HLTF: variants seen among roughly 807,000 people sequenced by gnomAD.
HLTF encodes the protein helicase like transcription factor, also known as DNA-dependent ATPase/E3 ubiquitin-protein ligase HLTF.
In HLTF, 127 loss-of-function variants were observed where a neutral mutation model predicts 129.4. The ratio of observed to expected loss-of-function variants is 0.98; its 90% CI spans 0.85 to 1.14. The LOEUF is 1.14. Among genes scored for constraint, HLTF ranks in the 50% most tolerant of loss-of-function variants. The pLI, the probability that HLTF is intolerant of heterozygous loss-of-function variation, is 0.00. For missense variants in HLTF, 1,139 were observed against 1,187.1 expected, an observed-to-expected ratio of 0.96 and a Z score of 0.60; for synonymous variants, 332 against 388.8, an observed-to-expected ratio of 0.85 and a Z score of 1.72.
chr3:149,085,308 T>C (rs995773062), intron 1 of HLTF, among the ~76,000 whole-genome samples: 10 of 152,090 alleles, frequency 6.6e-5, no homozygotes, highest in South Asian at 2.1e-4. Context: ...CTGGCCAACA[T>C]TGTGAAACCC....
At chr3:149,078,001 CA>C (rs1476005699) in intron 2 of HLTF, among the ~76,000 whole-genome samples, 1 of 152,044 alleles carries the variant, frequency 6.6e-6, no homozygotes, top group African/African-American at 2.4e-5. Context: ...CAAAACTCAG[CA>C]ACAAACCACC....
At chr3:149,039,273 A>G in intron 22 of HLTF, 44 bp from the exon 23 acceptor site, 7 of 1,308,800 alleles carry the variant, frequency 5.3e-6, no homozygotes, top group Non-Finnish European at 7.1e-6. Flanking sequence ...CACTATTATT[A>G]TAAAAATAAA....
In HLTF at chr3:149,033,668, GA is replaced by G. The variant is rs201714042; in HGVS notation, c.2877+1249del. On this transcript the variant is annotated intron_variant, in intron 24 of 24. Transcript: ENST00000310053. ...TAGGGAAAAAGTTGGAATTTTCAAA[GA>G]AAAAAAATGATGTGACAGAACAAAT... 3.8e-3 allele frequency among the ~76,000 whole-genome samples: 571 copies of G among 151,320 alleles called. 16 individuals carry two copies. The highest frequency in any genetic ancestry group is 0.032 in the Admixed American group (494 of 15,240).
At chr3:149,056,885 G>A (rs1394735955) in intron 13 of HLTF, among the ~76,000 whole-genome samples, 2 of 151,842 alleles carry the variant, frequency 1.3e-5, no homozygotes, top group African/African-American at 4.8e-5. Context: ...CGAGGCGGGC[G>A]GATCACGAGG....
At position 149,031,171 on chromosome 3, in the gene HLTF, AAAG is replaced by A. The variant is rs1715002960; in HGVS notation, c.*1046_*1048del. On this transcript the variant is annotated 3_prime_UTR_variant, in exon 25 of 25. Coordinates refer to ENST00000310053, the MANE Select transcript of HLTF (RefSeq NM_003071.4). The stretch of plus-strand genomic sequence containing the variant: ...TTAACAAAAAAGTAAAAAAAAAAGA[AAAG>A]AAAAAAGATGACTAATTCTACAGAT... 1 of 152,558 alleles carries A rather than the reference AAAG, an allele frequency of 6.6e-6. No individual in the cohort carries two copies. 9.5% of individuals were successfully genotyped at this position (152,558 alleles called of 1,614,324 possible). A position where few individuals can be genotyped will look rare whatever the true frequency, so the allele number is the denominator to read the frequency against.
intron 19 of HLTF, 116 bp from the exon 20 acceptor site, chr3:149,041,784 C>A: frequency 1.4e-6 from 1 of 712,352 alleles, no homozygotes; most frequent in African/African-American, 1.8e-5. Context: ...TCATTTTCTG[C>A]CATAGGCAAA....
intron 14 of HLTF, among the ~76,000 whole-genome samples, chr3:149,055,032 G>A (rs546701574): frequency 1.3e-5 from 2 of 152,250 alleles, no homozygotes; most frequent in Non-Finnish European, 2.9e-5. Flanking sequence ...TCCCACTTTG[G>A]GGGACAAAAA....
chr3:149,036,001 G>C (rs868119364), intron 23 of HLTF, among the ~76,000 whole-genome samples: 1 of 151,628 alleles, frequency 6.6e-6, no homozygotes, highest in South Asian at 2.1e-4. Context: ...CGGGCGTGGT[G>C]GCAGGCGCCT....
At position 149,086,363 on chromosome 3, in the gene HLTF, C is replaced by T. The variant is rs775539806; in HGVS notation, c.-27G>A. The T allele has an allele frequency of 1.3e-6, 2 of 1,576,878 alleles. No individual in the cohort carries two copies. Among genetic ancestry groups the T allele is most frequent in the Non-Finnish European group, 1.7e-6 (2 of 1,160,942 alleles). On this transcript the variant is annotated 5_prime_UTR_variant, in exon 1 of 25. Coordinates refer to ENST00000310053, the MANE Select transcript of HLTF (RefSeq NM_003071.4). ...GCGCTGAGTGGGATGACAAGAGGAGCGCCTCGGCTCCCCTGGATCGTTTTC... is the reference window on the plus strand; with the variant it reads ...GCGCTGAGTGGGATGACAAGAGGAGTGCCTCGGCTCCCCTGGATCGTTTTC...
In HLTF at chr3:149,086,399, G is replaced by C; in HGVS notation, c.-63C>G. 2 of 1,537,676 alleles carry C rather than the reference G, an allele frequency of 1.3e-6. No homozygotes were observed. The highest frequency in any genetic ancestry group is 1.8e-6 in the Non-Finnish European group (2 of 1,133,392). ...CCCTGGATCGTTTTCGAGCCGCCTCGATACGCCTCCTTCCAGGCCCCGCAG... is the reference window on the plus strand; with the variant it reads ...CCCTGGATCGTTTTCGAGCCGCCTCCATACGCCTCCTTCCAGGCCCCGCAG... On this transcript the variant is annotated 5_prime_UTR_variant, in exon 1 of 25. In the 5' UTR this introduces an upstream ATG that the reference lacks. Transcript: ENST00000310053.
intron 23 of HLTF, 23 bp from the exon 24 acceptor site, chr3:149,035,021 A>T (rs1392196952): frequency 3.3e-6 from 5 of 1,504,200 alleles, no homozygotes; most frequent in Non-Finnish European, 1.9e-6. Context: ...TGGATGAGTT[A>T]CTTTACTACT....
chr3:149,042,429 C>G, intron 18 of HLTF, 139 bp from the exon 19 acceptor site: 1 of 719,120 alleles, frequency 1.4e-6, no homozygotes, highest in Non-Finnish European at 2.3e-6. Context: ...AGAAAAGCAA[C>G]TCTAATAAAA....
chr3:149,048,793 T>C (rs544091294), intron 16 of HLTF, 70 bp downstream of exon 16: 2 of 1,207,150 alleles, frequency 1.7e-6, no homozygotes, highest in Non-Finnish European at 2.4e-6. Flanking sequence ...TTTACAAAGT[T>C]ACTTTACTAA....
chr3:149,083,350 T>G (rs1257319994), intron 2 of HLTF, among the ~76,000 whole-genome samples: 1 of 152,066 alleles, frequency 6.6e-6, no homozygotes, highest in Non-Finnish European at 1.5e-5. Flanking sequence ...TTAAAGTATA[T>G]ATATTTGGCA....
intron 10 of HLTF, among the ~76,000 whole-genome samples, chr3:149,062,808 T>C (rs144507215): frequency 1.5e-3 from 232 of 151,914 alleles, no homozygotes; most frequent in African/African-American, 5.2e-3. Context: ...TTCTAAAATC[T>C]CAAAAAAAAG....
chr3:149,054,481 G>A (rs7625894), intron 14 of HLTF, among the ~76,000 whole-genome samples: 46,987 of 151,932 alleles, frequency 0.31, 7,198 homozygotes, highest in East Asian at 0.33. Context: ...GACATAAGAA[G>A]AATGGCGATG....
intron 2 of HLTF, among the ~76,000 whole-genome samples, chr3:149,080,142 T>C (rs1029438066): frequency 5.3e-5 from 8 of 151,952 alleles, no homozygotes; most frequent in African/African-American, 1.9e-4. Flanking sequence ...AGGAGGTAAA[T>C]CCATATACAC....
At chr3:149,083,807 T>C (rs1338069704) in intron 2 of HLTF, 1 of 151,326 alleles carries the variant, frequency 6.6e-6, no homozygotes, top group African/African-American at 2.4e-5. Context: ...CAGTCCCAGC[T>C]ACTCAGGAGG....
intron 2 of HLTF, among the ~76,000 whole-genome samples, chr3:149,076,350 T>C (rs1559881977): frequency 6.6e-6 from 1 of 152,174 alleles, no homozygotes; most frequent in African/African-American, 2.4e-5. Context: ...TTCTGAAAAA[T>C]AGCCAACCCT....
Sources: allele counts gnomAD v4.1 joint callset (sites outside exome capture counted in the v4.1 genomes callset), GRCh38; gene constraint gnomAD v4.1.1; transcripts MANE v1.5; gene names NCBI Gene and HGNC (gene_info 2026-07-23, HGNC 2026-07-21).